PRKN: variants seen among roughly 807,000 people sequenced by gnomAD.
The protein encoded by PRKN is parkin RBR E3 ubiquitin protein ligase.
PRKN carries 56 observed loss-of-function variants against 59.5 expected under a neutral mutation model. The ratio of observed to expected loss-of-function variants is 0.94; its 90% confidence interval spans 0.76 to 1.18. The LOEUF is 1.18. Ranked by LOEUF, PRKN falls within the 50% of genes most tolerant of loss-of-function variation. PRKN has a pLI of 0.00. For missense variants in PRKN, 657 were observed against 596.4 expected (o/e 1.10, Z -1.06); for synonymous variants, 250 against 222.1 (o/e 1.13, Z -1.12).
chr6:162,481,447 G>A (rs1792306706), intron 1 of PRKN, among the ~76,000 whole-genome samples: 2 of 151,966 alleles, frequency 1.3e-5, no homozygotes, highest in African/African-American at 4.8e-5. Flanking sequence ...TACTGGTGGG[G>A]GAAAAAAAAG....
At chr6:161,367,902 G>T (rs953050682) in intron 10 of PRKN, among the ~76,000 whole-genome samples, 1 of 152,182 alleles carries the variant, frequency 6.6e-6, no homozygotes, top group Non-Finnish European at 1.5e-5. Context: ...TTCAGCTGGA[G>T]AGATCAGTCT....
chr6:161,639,107 T>C (rs1397727179), intron 7 of PRKN, among the ~76,000 whole-genome samples: 1 of 152,160 alleles, frequency 6.6e-6, no homozygotes, highest in African/African-American at 2.4e-5. Flanking sequence ...AAGAAGGACA[T>C]GTTTGCTTTC....
At chr6:162,150,458 G>C (rs1389973556) in intron 4 of PRKN, among the ~76,000 whole-genome samples, 2 of 152,176 alleles carry the variant, frequency 1.3e-5, no homozygotes, top group African/African-American at 4.8e-5. Flanking sequence ...CCGCAGGGCT[G>C]CTCTAGAGCA....
intron 5 of PRKN, among the ~76,000 whole-genome samples, chr6:162,034,186 TAGAGAGAGAGAG>T (rs71643580): frequency 3.0e-5 from 4 of 133,300 alleles, no homozygotes; most frequent in South Asian, 2.4e-4. Flanking sequence ...TATATATATA[TAGAGAGAGAGAG>T]AGAGAGAGAG....
At chr6:162,041,783 T>C (rs913945909) in intron 5 of PRKN, among the ~76,000 whole-genome samples, 5 of 152,196 alleles carry the variant, frequency 3.3e-5, no homozygotes, top group Non-Finnish European at 7.3e-5. Context: ...ATTGTAACAA[T>C]TGTGACTTTG....
At chr6:162,451,367 TA>T (rs140082933) in intron 1 of PRKN, among the ~76,000 whole-genome samples, 1,957 of 104,716 alleles carry the variant, frequency 0.019, 35 homozygotes, top group African/African-American at 0.045. Flanking sequence ...CTTAAAGGAG[TA>T]AAAAAAAAAA....
Position 162,165,268 on chromosome 6 carries a change from CA to C in PRKN, c.534+35862del, listed in dbSNP as rs747752415. Among the ~76,000 whole-genome samples, 9 of 148,730 alleles carry C rather than the reference CA, an allele frequency of 6.1e-5. 1 individual carries two copies. The highest frequency in any genetic ancestry group is 1.0e-4 in the Non-Finnish European group (7 of 67,324). On this transcript the variant is annotated intron_variant, in intron 4 of 11. Coordinates refer to ENST00000366898, the MANE Select transcript of PRKN (RefSeq NM_004562.3). ...GAATATTTCATGAGTTGGGATTAGG[CA>C]AAGGTTTCTTTGACAGGTTAGAGAC...
At chr6:162,694,122 C>G (rs1200542768) in intron 1 of PRKN, among the ~76,000 whole-genome samples, 1 of 150,774 alleles carries the variant, frequency 6.6e-6, no homozygotes. Flanking sequence ...TGGCGGGCAC[C>G]TGTAGTCCCA....
In PRKN at chr6:161,356,119, G is replaced by C. The variant is rs1220035824; in HGVS notation, c.1285+3969C>G. Among the ~76,000 whole-genome samples, 3 of 152,224 alleles carry C rather than the reference G, an allele frequency of 2.0e-5. No homozygotes were observed. In the East Asian group the frequency reaches 5.8e-4, roughly 29 times the overall value. The stretch of plus-strand genomic sequence containing the variant: ...TGGGACATGAGCTCTCCGGGGAAGG[G>C]GAGGGAGCCAGAACTAATTGTCTTG... On this transcript the variant is annotated intron_variant, in intron 11 of 11. Transcript: ENST00000366898. This position sits in a 1 kb window ranked among gnomAD's most constrained non-coding sequence, Gnocchi z 7.8.
chr6:162,003,814 AG>A (rs1321170580), intron 5 of PRKN, among the ~76,000 whole-genome samples: 1 of 152,204 alleles, frequency 6.6e-6, no homozygotes, highest in Non-Finnish European at 1.5e-5. Flanking sequence ...AAAGTCAATT[AG>A]GTCCTGTTGA....
intron 6 of PRKN, among the ~76,000 whole-genome samples, chr6:161,892,407 A>G (rs1181329463): frequency 6.6e-6 from 1 of 151,958 alleles, no homozygotes; most frequent in Admixed American, 6.6e-5. Flanking sequence ...CTCAACCAAA[A>G]AAAAAAATAA....
chr6:162,070,469 C>A (rs181427672), intron 4 of PRKN, among the ~76,000 whole-genome samples: 12 of 152,220 alleles, frequency 7.9e-5, no homozygotes, highest in Admixed American at 3.9e-4. Context: ...TGAATGGTTT[C>A]TTTTCAACGT....
At chr6:162,035,920 A>G (rs1248207279) in intron 5 of PRKN, among the ~76,000 whole-genome samples, 2 of 152,264 alleles carry the variant, frequency 1.3e-5, no homozygotes, top group African/African-American at 4.8e-5. Context: ...TATGAATCAA[A>G]TATTTAAATG....
chr6:161,500,342 T>C (rs565301), intron 9 of PRKN, among the ~76,000 whole-genome samples: 59,173 of 151,868 alleles, frequency 0.39, 12,149 homozygotes, highest in East Asian at 0.54. Context: ...TTACATGAGG[T>C]TCACTCCTGG....
chr6:162,254,506 T>C (rs541041292), intron 3 of PRKN, among the ~76,000 whole-genome samples: 8 of 151,946 alleles, frequency 5.3e-5, no homozygotes, highest in Non-Finnish European at 1.2e-4. Flanking sequence ...CAGGACTCAG[T>C]TCCCAGTGTG....
chr6:161,549,101 T>C lies in PRKN; in HGVS notation c.934-98A>G. The C allele has an allele frequency of 7.2e-7, 1 of 1,387,434 alleles. No individual in the cohort carries two copies. Among genetic ancestry groups the C allele is most frequent in the Non-Finnish European group, 1.0e-6 (1 of 983,844 alleles). 85.9% of individuals were successfully genotyped at this position (1,387,434 alleles called of 1,614,324 possible). ...TGCATGGGATTTCTTGCTTAACCAGTTTCAGTAAAATAATGCATGTGTGTG... is the reference window on the plus strand; with the variant it reads ...TGCATGGGATTTCTTGCTTAACCAGCTTCAGTAAAATAATGCATGTGTGTG... On this transcript the variant is annotated intron_variant, in intron 8 of 11. Coordinates refer to ENST00000366898, the MANE Select transcript of PRKN (RefSeq NM_004562.3). This position sits in a 1 kb window ranked among gnomAD's most constrained non-coding sequence, Gnocchi z 6.0.
At chr6:161,876,250 T>G (rs1372241930) in intron 6 of PRKN, among the ~76,000 whole-genome samples, 1 of 152,162 alleles carries the variant, frequency 6.6e-6, no homozygotes, top group East Asian at 1.9e-4. Context: ...CCATCATCCT[T>G]GATTTTGAGA....
chr6:161,569,288 C>T, intron 8 of PRKN, 67 bp downstream of exon 8: 1 of 1,441,700 alleles, frequency 6.9e-7, no homozygotes, highest in Non-Finnish European at 9.8e-7. Context: ...CCCTGGGGAG[C>T]CCAAACTGTC....
At position 161,483,174 on chromosome 6, in the gene PRKN, C is replaced by CAA. The variant is rs3032884; in HGVS notation, c.1083+65678_1083+65679dup. Among the ~76,000 whole-genome samples the CAA allele has an allele frequency of 5.7e-4, 73 of 128,348 alleles. No individual in the cohort carries two copies. The highest frequency in any genetic ancestry group is 1.6e-3 in the African/African-American group (52 of 31,612). The allele number at this position is 128,348 out of a possible 152,430, so 84.2% of individuals were successfully genotyped here. ...CTCGTGACAACTAACAATTGTGTTT[C>CAA]AAAAAAAAAAAAAAAAACATGCATT... is the stretch of plus-strand genomic sequence containing the variant. On this transcript the variant is annotated intron_variant, in intron 9 of 11. Transcript: ENST00000366898. The surrounding 1 kb of genome is among the most constrained non-coding windows in gnomAD (Gnocchi z 5.0).
Sources: gnomAD v4.1 joint callset for allele counts (sites outside exome capture counted in the v4.1 genomes callset) on GRCh38, gnomAD v4.1.1 for gene constraint, Gnocchi (gnomAD v3.1) non-coding constraint, MANE v1.5 for transcripts, NCBI Gene and HGNC (gene_info 2026-07-23, HGNC 2026-07-21) for gene names.